The following TMEM117 variants were observed in gnomAD, a reference collection of about 807,000 sequenced individuals.
The protein encoded by TMEM117 is transmembrane protein 117.
TMEM117 carries 27 observed loss-of-function variants against 52.4 expected under a neutral mutation model. The observed-to-expected ratio is 0.51, with a 90% CI of 0.38 to 0.71. The LOEUF is 0.71. Among genes scored for constraint, TMEM117 ranks in the 30% least tolerant of loss-of-function variants. The pLI is 0.00. For synonymous variants in TMEM117, 215 were observed against 206.3 expected (o/e 1.04, Z -0.36); for missense variants, 556 against 630.5 (o/e 0.88, Z 1.26).
At chr12:44,030,016 A>G (rs1031772758) in intron 3 of TMEM117, among the ~76,000 whole-genome samples, 4 of 151,118 alleles carry the variant, frequency 2.6e-5, no homozygotes, top group Admixed American at 6.6e-5. Context: ...CAGTATGTAT[A>G]TGTATATATG....
intron 3 of TMEM117, among the ~76,000 whole-genome samples, chr12:43,996,498 C>A (rs915500529): frequency 1.3e-5 from 2 of 151,922 alleles, no homozygotes; most frequent in African/African-American, 4.8e-5. Context: ...AAAAAATTAG[C>A]TGGGCGTGGT....
chr12:44,008,410 A>C (rs1416822628), intron 3 of TMEM117, among the ~76,000 whole-genome samples: 1 of 152,042 alleles, frequency 6.6e-6, no homozygotes, highest in Non-Finnish European at 1.5e-5. Flanking sequence ...CTATACTTTC[A>C]TTTTTTTTGT....
chr12:43,828,951 T>C, the TMEM117 span, among the ~76,000 whole-genome samples: 1 of 152,164 alleles, frequency 6.6e-6, no homozygotes, highest in Non-Finnish European at 1.5e-5. Context: ...TGGGATTTTT[T>C]ATTTTTGTTT....
At chr12:43,995,638 A>G (rs771497263) in intron 3 of TMEM117, among the ~76,000 whole-genome samples, 21 of 152,158 alleles carry the variant, frequency 1.4e-4, no homozygotes, top group Non-Finnish European at 2.9e-4. Flanking sequence ...CACCTGAGCA[A>G]TATACACTGT....
chr12:44,010,232 C>T, intron 3 of TMEM117: 2 of 477,116 alleles, frequency 4.2e-6, no homozygotes, highest in Non-Finnish European at 8.4e-6. Context: ...AGGTTTGGTA[C>T]AATATCAATG....
intron 3 of TMEM117, among the ~76,000 whole-genome samples, chr12:44,072,291 T>A (rs1035647700): frequency 1.3e-5 from 2 of 152,220 alleles, no homozygotes; most frequent in South Asian, 2.1e-4. Flanking sequence ...GGAATTTTTT[T>A]ATTTGTTTTA....
chr12:44,380,195 G>C (rs1447656936), intron 7 of TMEM117, among the ~76,000 whole-genome samples: 3 of 152,134 alleles, frequency 2.0e-5, no homozygotes. Flanking sequence ...TTCAATAGCA[G>C]TGGGATGACC....
At chr12:44,069,577 A>AG (rs1215099416) in intron 3 of TMEM117, among the ~76,000 whole-genome samples, 2 of 152,146 alleles carry the variant, frequency 1.3e-5, no homozygotes, top group African/African-American at 2.4e-5. Context: ...AAAGTTCATA[A>AG]GGGGGCCTGA....
intron 6 of TMEM117, among the ~76,000 whole-genome samples, chr12:44,356,877 G>A (rs1022024942): frequency 2.0e-5 from 3 of 152,008 alleles, no homozygotes; most frequent in Non-Finnish European, 4.4e-5. Context: ...CTCTACCTTC[G>A]TTGTTATAGT....
intron 6 of TMEM117, among the ~76,000 whole-genome samples, chr12:44,311,831 GTA>G (rs59496905): frequency 4.0e-5 from 1 of 24,756 alleles, no homozygotes; most frequent in African/African-American, 1.0e-4. Context: ...ATGTATATAT[GTA>G]TATATGTATA....
At chr12:44,185,257 T>G (rs1017487100) in intron 4 of TMEM117, among the ~76,000 whole-genome samples, 1 of 152,230 alleles carries the variant, frequency 6.6e-6, no homozygotes, top group Non-Finnish European at 1.5e-5. Flanking sequence ...CAAAGCATGA[T>G]TGCTGAAACA....
At chr12:44,086,778 A>G (rs549877935) in intron 3 of TMEM117, among the ~76,000 whole-genome samples, 2 of 152,164 alleles carry the variant, frequency 1.3e-5, no homozygotes, top group South Asian at 2.1e-4. Flanking sequence ...ACTTTTAGCC[A>G]TGAAATGCAT....
downstream of TMEM117, among the ~76,000 whole-genome samples, chr12:44,393,493 G>C (rs542012283): frequency 6.6e-6 from 1 of 152,256 alleles, no homozygotes; most frequent in Admixed American, 6.5e-5. Flanking sequence ...TCACTATACA[G>C]ATGGTGAACC....
At chr12:44,068,544 GGA>G (rs1160544388) in intron 3 of TMEM117, among the ~76,000 whole-genome samples, 2 of 152,116 alleles carry the variant, frequency 1.3e-5, no homozygotes, top group East Asian at 3.9e-4. Context: ...GAAGACCTGA[GGA>G]GAGAGAGAAA....
At chr12:43,956,365 A>G (rs117200630) in intron 3 of TMEM117, among the ~76,000 whole-genome samples, 6,001 of 152,252 alleles carry the variant, frequency 0.039, 162 homozygotes, top group Middle Eastern at 0.065. Context: ...AACTTATGGA[A>G]TGGGAGAAAA....
intron 6 of TMEM117, among the ~76,000 whole-genome samples, chr12:44,359,263 G>GTA (rs142861657): frequency 0.012 from 1,742 of 150,198 alleles, 99 homozygotes; most frequent in Admixed American, 0.081. Context: ...TCTAGAGTGT[G>GTA]TATATATATA....
chr12:43,923,024 C>T (rs1183285845), intron 2 of TMEM117, among the ~76,000 whole-genome samples: 1 of 152,148 alleles, frequency 6.6e-6, no homozygotes, highest in Non-Finnish European at 1.5e-5. Flanking sequence ...TTGGACACAC[C>T]TCTGCTGGAG....
chr12:44,270,586 C>G (rs963944523), intron 5 of TMEM117, among the ~76,000 whole-genome samples: 16 of 152,096 alleles, frequency 1.1e-4, no homozygotes, highest in African/African-American at 3.6e-4. Context: ...TTCCTCTTTA[C>G]TGACTTGGAT....
intron 4 of TMEM117, among the ~76,000 whole-genome samples, chr12:44,163,787 A>G (rs1948928556): frequency 6.6e-6 from 1 of 152,208 alleles, no homozygotes; most frequent in South Asian, 2.1e-4. Context: ...CTAAAATATA[A>G]CATCCTAGGT....
Sources: allele counts gnomAD v4.1 joint callset (sites outside exome capture counted in the v4.1 genomes callset), GRCh38; gene constraint gnomAD v4.1.1; transcripts MANE v1.5; gene names NCBI Gene and HGNC (gene_info 2026-07-23, HGNC 2026-07-21).